The following PTPRO variants were observed in gnomAD, a reference collection of about 807,000 sequenced individuals.
The protein encoded by PTPRO is receptor-type tyrosine-protein phosphatase O.
PTPRO carries 62 observed loss-of-function variants against 145.2 expected under a neutral mutation model. That is an observed-to-expected ratio of 0.43 (90% CI 0.35 to 0.53). The LOEUF (loss-of-function observed/expected upper bound fraction) is 0.53. Ranked by LOEUF, PTPRO falls within the 20% of genes least tolerant of loss-of-function variation. PTPRO has a pLI of 0.01. For synonymous variants in PTPRO, 565 were observed against 514.7 expected, an observed-to-expected ratio of 1.10 and a Z score of -1.32; for missense variants, 1,345 against 1,482.7, an observed-to-expected ratio of 0.91 and a Z score of 1.53.
At chr12:15,359,227 G>C (rs186072185) in intron 1 of PTPRO, among the ~76,000 whole-genome samples, 215 of 152,242 alleles carry the variant, frequency 1.4e-3, no homozygotes, top group African/African-American at 4.8e-3. Flanking sequence ...ATTTGGGGGA[G>C]GAGGGGTAAT....
At chr12:15,505,931 A>G (rs1203464408) in intron 6 of PTPRO, among the ~76,000 whole-genome samples, 6 of 152,222 alleles carry the variant, frequency 3.9e-5, no homozygotes, top group African/African-American at 1.4e-4. Context: ...CTAGACTGCC[A>G]ATAGCCTTAT....
intron 2 of PTPRO, among the ~76,000 whole-genome samples, chr12:15,495,248 T>A (rs1942076477): frequency 6.6e-6 from 1 of 151,718 alleles, no homozygotes; most frequent in African/African-American, 2.4e-5. Flanking sequence ...TTGTAGATGC[T>A]GTTTTTCAGA....
chr12:15,579,173 TG>T (rs1272477513), intron 20 of PTPRO, among the ~76,000 whole-genome samples: 1 of 152,232 alleles, frequency 6.6e-6, no homozygotes, highest in Non-Finnish European at 1.5e-5. Context: ...ACAAAAAGAC[TG>T]ATCATTTGGC....
intron 1 of PTPRO, among the ~76,000 whole-genome samples, chr12:15,463,295 A>G (rs1941345920): frequency 6.6e-6 from 1 of 152,164 alleles, no homozygotes; most frequent in South Asian, 2.1e-4. Flanking sequence ...CCCATCCAAT[A>G]TTTGAATCTC....
chr12:15,573,392 A>G (rs2096851845), intron 19 of PTPRO, among the ~76,000 whole-genome samples: 1 of 152,218 alleles, frequency 6.6e-6, no homozygotes, highest in Admixed American at 6.5e-5. Flanking sequence ...ACACCTTCAC[A>G]GCAGCAGACT....
chr12:15,548,685 C>A (rs925622464), intron 13 of PTPRO, among the ~76,000 whole-genome samples: 20 of 152,042 alleles, frequency 1.3e-4, no homozygotes, highest in Admixed American at 1.2e-3. Context: ...TATGGTATGT[C>A]CTTTCAACGG....
At chr12:15,454,331 C>T (rs1941120868) in intron 1 of PTPRO, among the ~76,000 whole-genome samples, 1 of 152,136 alleles carries the variant, frequency 6.6e-6, no homozygotes, top group Non-Finnish European at 1.5e-5. Flanking sequence ...AGCATTTTTC[C>T]ATAAGGTTTT....
intron 2 of PTPRO, among the ~76,000 whole-genome samples, chr12:15,486,086 T>G (rs555916847): frequency 6.6e-6 from 1 of 152,314 alleles, no homozygotes; most frequent in East Asian, 1.9e-4. Context: ...TTCTATGTCC[T>G]TACTGATTTT....
At chr12:15,345,466 G>A (rs931932519) in intron 1 of PTPRO, among the ~76,000 whole-genome samples, 4 of 152,060 alleles carry the variant, frequency 2.6e-5, no homozygotes, top group Non-Finnish European at 5.9e-5. Context: ...CAGGGACATG[G>A]ATGAAGCTGG....
intron 23 of PTPRO, among the ~76,000 whole-genome samples, chr12:15,583,231 C>T (rs2135653656): frequency 6.6e-6 from 1 of 152,172 alleles, no homozygotes; most frequent in South Asian, 2.1e-4. Flanking sequence ...CCTGTAATCC[C>T]AGCACTTTGA....
chr12:15,554,632 C>G (rs1239510583), intron 15 of PTPRO, among the ~76,000 whole-genome samples: 1 of 151,966 alleles, frequency 6.6e-6, no homozygotes, highest in South Asian at 2.1e-4. Context: ...GGCTGGGAGG[C>G]GAGGCCAGTC....
chr12:15,407,111 C>T (rs1357051671), intron 1 of PTPRO, among the ~76,000 whole-genome samples: 1 of 152,170 alleles, frequency 6.6e-6, no homozygotes, highest in Non-Finnish European at 1.5e-5. Flanking sequence ...AATGAGAATG[C>T]TGCTGTTCCT....
intron 10 of PTPRO, among the ~76,000 whole-genome samples, chr12:15,524,334 T>C (rs775346970): frequency 1.3e-5 from 2 of 152,158 alleles, no homozygotes; most frequent in South Asian, 4.1e-4. Flanking sequence ...AGTACTATGA[T>C]CTTCTATCTT....
intron 12 of PTPRO, among the ~76,000 whole-genome samples, chr12:15,527,885 G>A (rs1405093723): frequency 4.7e-5 from 3 of 63,864 alleles, no homozygotes; most frequent in Non-Finnish European, 9.7e-5. Context: ...ACCCGCCCAC[G>A]CTACCCAGGA....
chr12:15,372,531 T>C (rs1398172684), intron 1 of PTPRO, among the ~76,000 whole-genome samples: 1 of 152,218 alleles, frequency 6.6e-6, no homozygotes, highest in African/African-American at 2.4e-5. Flanking sequence ...AGTGAAAGAA[T>C]AACTTCTCTA....
chr12:15,324,374 G>A (rs1437832410), intron 1 of PTPRO, among the ~76,000 whole-genome samples: 1 of 152,156 alleles, frequency 6.6e-6, no homozygotes, highest in East Asian at 1.9e-4. Context: ...GTTGGGAGTG[G>A]GGGTAAGGTT....
intron 1 of PTPRO, among the ~76,000 whole-genome samples, chr12:15,373,613 G>A (rs1212356283): frequency 5.9e-5 from 9 of 152,144 alleles, no homozygotes; most frequent in Admixed American, 5.9e-4. Context: ...AAACAGGAAA[G>A]CTGAAGGAAT....
intron 1 of PTPRO, among the ~76,000 whole-genome samples, chr12:15,382,055 AAC>A (rs1327657406): frequency 6.6e-6 from 1 of 151,640 alleles, no homozygotes; most frequent in Non-Finnish European, 1.5e-5. Context: ...TTCTCTAGCA[AAC>A]AGAGACCAAG....
At chr12:15,516,057 CT>C (rs1434196989) in intron 8 of PTPRO, among the ~76,000 whole-genome samples, 1 of 129,192 alleles carries the variant, frequency 7.7e-6, no homozygotes, top group Non-Finnish European at 1.6e-5. Flanking sequence ...GTGGTGCAAT[CT>C]CAGTTCCCTG....
Sources: allele counts gnomAD v4.1 joint callset (sites outside exome capture counted in the v4.1 genomes callset), GRCh38; gene constraint gnomAD v4.1.1; transcripts MANE v1.5; gene names NCBI Gene and HGNC (gene_info 2026-07-23, HGNC 2026-07-21).